The following HHAT variants were observed in gnomAD, a reference collection of about 807,000 sequenced individuals.
The protein encoded by HHAT is protein-cysteine N-palmitoyltransferase HHAT.
HHAT carries 47 observed loss-of-function variants against 70.8 expected under a neutral mutation model. The observed-to-expected ratio is 0.66, with a 90% confidence interval of 0.53 to 0.85. HHAT has a LOEUF of 0.85. Ranked by LOEUF, HHAT falls within the 40% of genes least tolerant of loss-of-function variation. The pLI is 0.00. For synonymous variants in HHAT, 228 were observed against 247.6 expected, an observed-to-expected ratio of 0.92 and a Z score of 0.74; for missense variants, 609 against 604.8, an observed-to-expected ratio of 1.01 and a Z score of -0.07.
At chr1:210,474,351 C>T (rs986866101) in intron 8 of HHAT, among the ~76,000 whole-genome samples, 1 of 152,178 alleles carries the variant, frequency 6.6e-6, no homozygotes. Context: ...ATTGCAGTGG[C>T]GCCATCACGG....
intron 6 of HHAT, among the ~76,000 whole-genome samples, chr1:210,414,037 C>G (rs543433891): frequency 6.6e-6 from 1 of 152,190 alleles, no homozygotes; most frequent in Non-Finnish European, 1.5e-5. Context: ...TAACAAAATA[C>G]TATAAACTGG....
intron 9 of HHAT, among the ~76,000 whole-genome samples, chr1:210,575,438 C>G (rs987387403): frequency 6.8e-6 from 1 of 147,034 alleles, no homozygotes; most frequent in Admixed American, 6.7e-5. Flanking sequence ...GTCTCCTTTG[C>G]CCAAACCTCC....
intron 8 of HHAT, among the ~76,000 whole-genome samples, chr1:210,499,493 G>T (rs2094713404): frequency 1.3e-5 from 2 of 152,092 alleles, no homozygotes; most frequent in African/African-American, 4.8e-5. Context: ...AAAAAAATTA[G>T]CTGGGCATGG....
chr1:210,432,024 G>A (rs2093260086), intron 7 of HHAT, among the ~76,000 whole-genome samples: 1 of 151,792 alleles, frequency 6.6e-6, no homozygotes, highest in African/African-American at 2.4e-5. Context: ...TTCTATATCT[G>A]TTTTCCTGAT....
intron 11 of HHAT, among the ~76,000 whole-genome samples, chr1:210,673,663 C>T (rs1159453286): frequency 2.0e-5 from 3 of 151,382 alleles, no homozygotes; most frequent in Non-Finnish European, 2.9e-5. Context: ...ACACTCATAG[C>T]TCACTGTAAC....
chr1:210,363,957 T>C (rs1016561059), intron 3 of HHAT, among the ~76,000 whole-genome samples: 2 of 152,188 alleles, frequency 1.3e-5, no homozygotes, highest in Non-Finnish European at 2.9e-5. Context: ...TATTTTTCTA[T>C]TGAAAGTTGC....
chr1:210,625,148 G>A (rs1669594867), intron 11 of HHAT, among the ~76,000 whole-genome samples: 1 of 152,236 alleles, frequency 6.6e-6, no homozygotes, highest in South Asian at 2.1e-4. Flanking sequence ...TCTGTGCGAT[G>A]TTTTAGCTGA....
chr1:210,444,274 C>T (rs1489399984), intron 7 of HHAT, among the ~76,000 whole-genome samples: 7 of 117,272 alleles, frequency 6.0e-5, no homozygotes, highest in Non-Finnish European at 9.3e-5. Flanking sequence ...ATTTTTGCAT[C>T]AATGTTCATC....
rs146371750 is a variant in HHAT at position 210,428,178 on chromosome 1, C to T, written c.856+9853C>T. ...TTTTACAATGGAAGCATTGTATTGT[C>T]TATCCAGAGATCAGTACTGATAAAC... On this transcript the variant is annotated intron_variant, in intron 7 of 11. Coordinates refer to ENST00000261458, the MANE Select transcript of HHAT (RefSeq NM_018194.6). Among the ~76,000 whole-genome samples the T allele has an allele frequency of 7.5e-3, 1,120 of 150,284 alleles. 40 individuals carry two copies. The highest frequency in any genetic ancestry group is 0.026 in the African/African-American group (1,068 of 40,350).
At position 210,418,249 on chromosome 1, in the gene HHAT, G is replaced by A. The variant is rs2092784716; in HGVS notation, c.780G>A (p.Leu260=). The A allele has an allele frequency of 6.2e-7, 1 of 1,613,880 alleles. No homozygotes were observed. Among genetic ancestry groups the A allele is most frequent in the African/African-American group, 1.3e-5 (1 of 74,904 alleles). Residue 260 remains leucine, a synonymous_variant, in exon 7 of 12, where the codon CTG becomes CTA. Transcript: ENST00000261458. ...RLLCWWWLAE[L]MAHLMYMHAI... ...TTTGCTGGTGGTGGCTGGCCGAGCTGATGGCTCACCTGATGTACATGCATG... is the reference window on the plus strand; with the variant it reads ...TTTGCTGGTGGTGGCTGGCCGAGCTAATGGCTCACCTGATGTACATGCATG...
chr1:210,529,973 G>T (rs1212073036), intron 9 of HHAT, among the ~76,000 whole-genome samples: 1 of 152,192 alleles, frequency 6.6e-6, no homozygotes, highest in Non-Finnish European at 1.5e-5. Context: ...AAATAAGCAT[G>T]GTAAAGGCAG....
At chr1:210,402,100 G>A (rs3753230) in intron 5 of HHAT, among the ~76,000 whole-genome samples, 17,528 of 152,222 alleles carry the variant, frequency 0.12, 1,302 homozygotes, top group East Asian at 0.26. Context: ...CAGAGTCTGT[G>A]TGGAACTCTC....
chr1:210,570,204 C>A (rs1655909566), intron 9 of HHAT, among the ~76,000 whole-genome samples: 1 of 152,182 alleles, frequency 6.6e-6, no homozygotes, highest in South Asian at 2.1e-4. Context: ...GATCTCTAGC[C>A]CACATTCTGC....
At chr1:210,415,042 C>G (rs1378942043) in intron 6 of HHAT, among the ~76,000 whole-genome samples, 3 of 151,994 alleles carry the variant, frequency 2.0e-5, no homozygotes, top group Non-Finnish European at 4.4e-5. Context: ...TTTTAATTGT[C>G]AAAAATAACT....
At chr1:210,498,763 T>C (rs76816361) in intron 8 of HHAT, among the ~76,000 whole-genome samples, 3 of 37,306 alleles carry the variant, frequency 8.0e-5, no homozygotes, top group East Asian at 1.8e-3. Flanking sequence ...TTGCAGTCTG[T>C]TTTTTTTTTT....
At position 210,661,827 on chromosome 1, in the gene HHAT, G is replaced by C. The variant is rs114362513; in HGVS notation, c.1391-12461G>C. ...ACACCACATGTTCTCACACACAAGG[G>C]CCTGTTGGCAGGTGGGTGGCAGGGG... On this transcript the variant is annotated intron_variant, in intron 11 of 11. Coordinates refer to ENST00000261458, the MANE Select transcript of HHAT (RefSeq NM_018194.6). Among the ~76,000 whole-genome samples, 654 of 152,216 alleles carry C rather than the reference G, an allele frequency of 4.3e-3. 3 individuals are homozygous for C. The highest frequency in any genetic ancestry group is 0.015 in the African/African-American group (624 of 41,556).
chr1:210,418,225 T>C lies in HHAT; in HGVS notation c.756T>C (p.Leu252=). ...CVLALGLGRL[L]CWWWLAELMA... is the part of the protein sequence containing the mutation. Reference sequence around the variant, plus strand: ...TGGCCCTGGGGCTGGGCCGCCTTCTTTGCTGGTGGTGGCTGGCCGAGCTGA... The same window carrying C: ...TGGCCCTGGGGCTGGGCCGCCTTCTCTGCTGGTGGTGGCTGGCCGAGCTGA... Residue 252 remains leucine, a synonymous_variant, in exon 7 of 12, where the codon CTT becomes CTC. Coordinates refer to ENST00000261458, the MANE Select transcript of HHAT (RefSeq NM_018194.6). The C allele has an allele frequency of 6.2e-7, 1 of 1,614,070 alleles. No homozygotes were observed. Among genetic ancestry groups the C allele is most frequent in the Non-Finnish European group, 8.5e-7 (1 of 1,179,994 alleles).
intron 6 of HHAT, among the ~76,000 whole-genome samples, chr1:210,405,468 A>G (rs968691990): frequency 6.6e-6 from 1 of 152,326 alleles, no homozygotes; most frequent in African/African-American, 2.4e-5. Context: ...CACCAACAAA[A>G]CAATCCTCAT....
At chr1:210,353,316 G>A (rs17016008) in intron 2 of HHAT, among the ~76,000 whole-genome samples, 2,127 of 152,048 alleles carry the variant, frequency 0.014, 39 homozygotes, top group African/African-American at 0.046. Flanking sequence ...ACGAATTGAT[G>A]CCTCTGCCTA....
Sources: allele counts gnomAD v4.1 joint callset (sites outside exome capture counted in the v4.1 genomes callset), GRCh38; gene constraint gnomAD v4.1.1; transcripts MANE v1.5; gene names NCBI Gene and HGNC (gene_info 2026-07-23, HGNC 2026-07-21).